The following POLN variants were observed in gnomAD, a reference collection of about 807,000 sequenced individuals.
POLN encodes DNA polymerase N.
Under a neutral mutation model 113.5 loss-of-function variants are expected in POLN, and 108 were observed. That is an observed-to-expected ratio of 0.95 (90% CI 0.81 to 1.12). The LOEUF (loss-of-function observed/expected upper bound fraction) is 1.12. Ranked by LOEUF, POLN falls within the 50% of genes most tolerant of loss-of-function variation. The pLI, the probability that POLN is intolerant of heterozygous loss-of-function variation, is 0.00. For missense variants in POLN, 1,097 were observed against 1,077.1 expected (o/e 1.02, Z -0.26); for synonymous variants, 386 against 391.5 (o/e 0.99, Z 0.17).
intron 2 of POLN, among the ~76,000 whole-genome samples, chr4:2,232,985 C>A (rs143001020): frequency 6.6e-5 from 10 of 152,136 alleles, no homozygotes; most frequent in South Asian, 2.1e-4. Context: ...TGTACCCCCC[C>A]ACTAGACTAA....
intron 25 of POLN, 22 bp from the exon 26 acceptor site, chr4:2,072,321 G>A: frequency 6.6e-7 from 1 of 1,514,836 alleles, no homozygotes; most frequent in Non-Finnish European, 8.8e-7. Flanking sequence ...AGCCAGAGGT[G>A]AGCCCCACGC....
At chr4:2,133,522 G>T (rs1731779610) in intron 16 of POLN, among the ~76,000 whole-genome samples, 1 of 152,174 alleles carries the variant, frequency 6.6e-6, no homozygotes, top group African/African-American at 2.4e-5. Flanking sequence ...CAGCAACATG[G>T]ATAAGCCTGG....
intron 5 of POLN, among the ~76,000 whole-genome samples, chr4:2,205,866 C>T (rs1183619705): frequency 7.2e-6 from 1 of 138,156 alleles, no homozygotes; most frequent in East Asian, 2.1e-4. Flanking sequence ...CAGAGCGAGA[C>T]TCTGTCTCAA....
intron 7 of POLN, among the ~76,000 whole-genome samples, chr4:2,191,793 G>T (rs7689629): frequency 0.34 from 51,479 of 152,038 alleles, 14,412 homozygotes; most frequent in African/African-American, 0.76. Context: ...TGCTACAAAG[G>T]ATCCAGGAAG....
intron 20 of POLN, among the ~76,000 whole-genome samples, chr4:2,095,182 G>A (rs981547461): frequency 1.3e-5 from 2 of 152,006 alleles, no homozygotes; most frequent in Non-Finnish European, 2.9e-5. Context: ...ATGGGTATTG[G>A]GGCTAGGGGG....
At chr4:2,088,684 C>T (rs1222545146) in intron 20 of POLN, 1 of 862,122 alleles carries the variant, frequency 1.2e-6, no homozygotes. Flanking sequence ...AAAAGCTGTA[C>T]AACAGCCATC....
chr4:2,211,250 AAATAATAAT>A (rs71167780), intron 4 of POLN, among the ~76,000 whole-genome samples: 8,450 of 139,760 alleles, frequency 0.06, 329 homozygotes, highest in African/African-American at 0.1. Flanking sequence ...CTCCGTCTCC[AAATAATAAT>A]AATAATAATA....
At chr4:2,078,488 T>C (rs901833912) in intron 23 of POLN, 1 of 733,346 alleles carries the variant, frequency 1.4e-6, no homozygotes, top group African/African-American at 1.9e-5. Flanking sequence ...TTTTTTTTTT[T>C]GTTAGACAGA....
chr4:2,236,581 G>A (rs1051492329), intron 2 of POLN: 11 of 672,934 alleles, frequency 1.6e-5, no homozygotes, highest in East Asian at 1.4e-4. Flanking sequence ...AATATTGGCC[G>A]GGTACAGTAG....
At chr4:2,184,341 T>C (rs961659386) in intron 7 of POLN, among the ~76,000 whole-genome samples, 5 of 151,766 alleles carry the variant, frequency 3.3e-5, no homozygotes, top group African/African-American at 9.7e-5. Context: ...AATCAGATTT[T>C]CACCACACTT....
At chr4:2,227,604 C>A (rs1252582424) in intron 3 of POLN, 1 of 152,114 alleles carries the variant, frequency 6.6e-6, no homozygotes, top group Non-Finnish European at 1.5e-5. Flanking sequence ...TTCTCAATAA[C>A]CTTAACAAAC....
chr4:2,117,454 A>G (rs1348661174), intron 19 of POLN, among the ~76,000 whole-genome samples: 2 of 152,234 alleles, frequency 1.3e-5, no homozygotes, highest in Non-Finnish European at 2.9e-5. Context: ...ATTTCATCTT[A>G]TCAGGGCAGC....
intron 5 of POLN, among the ~76,000 whole-genome samples, chr4:2,199,004 T>C (rs577564209): frequency 6.6e-6 from 1 of 152,194 alleles, no homozygotes; most frequent in South Asian, 2.1e-4. Flanking sequence ...ACTTTCCCTA[T>C]TAACAGATGG....
At chr4:2,169,119 AGCT>A (rs1732798428) in intron 13 of POLN, among the ~76,000 whole-genome samples, 1 of 152,318 alleles carries the variant, frequency 6.6e-6, no homozygotes, top group East Asian at 1.9e-4. Context: ...TGGCGCACAG[AGCT>A]GCAGGCAGCT....
At position 2,171,162 on chromosome 4, in the gene POLN, T is replaced by C; in HGVS notation, c.1394A>G (p.Glu465Gly). 1 of 1,613,600 alleles carries C rather than the reference T, an allele frequency of 6.2e-7. No individual in the cohort carries two copies. The highest frequency in any genetic ancestry group is 8.5e-7 in the Non-Finnish European group (1 of 1,179,804). ...ALLGARLKEL[E>G]QEAHFVAGER... ...TCCTGCAACAAAATGAGCTTCTTGC[T>C]CCAATTCCTTGAGACGAGCCTGAAA... The change falls in exon 12 of 26, where the codon GAG (glutamate) becomes GGG (glycine). Residue 465 changes from glutamate (E) to glycine (G), a missense_variant. Physicochemically the swap from Glu to Gly is moderately conservative, Grantham distance 98. Coordinates refer to ENST00000511885, the MANE Select transcript of POLN (RefSeq NM_181808.4).
At position 2,115,208 on chromosome 4, in the gene POLN, C is replaced by CTATATATATA. The variant is rs67359279; in HGVS notation, c.1982+12895_1982+12904dup. On this transcript the variant is annotated intron_variant, in intron 19 of 25. Transcript: ENST00000511885. ...GGATTACAGGTGTCCACCACCACAG[C>CTATATATATA]TATATATATATATATATATATTTTT... 2.0e-3 allele frequency among the ~76,000 whole-genome samples: 234 copies of CTATATATATA among 119,236 alleles called. 2 individuals carry two copies. The highest frequency in any genetic ancestry group is 6.7e-3 in the African/African-American group (227 of 33,694). 78.2% of individuals were successfully genotyped at this position (119,236 alleles called of 152,430 possible).
chr4:2,239,360 A>G (rs527397089), intron 2 of POLN, among the ~76,000 whole-genome samples: 5 of 152,332 alleles, frequency 3.3e-5, no homozygotes, highest in African/African-American at 1.2e-4. Flanking sequence ...ATATGTTACT[A>G]GTTTTTCTTA....
At chr4:2,178,886 A>G (rs1314668428) in intron 8 of POLN, among the ~76,000 whole-genome samples, 1 of 152,158 alleles carries the variant, frequency 6.6e-6, no homozygotes, top group Non-Finnish European at 1.5e-5. Context: ...TGCTGTGATT[A>G]CAGGCATGAG....
chr4:2,121,665 T>G (rs983189223), intron 19 of POLN, among the ~76,000 whole-genome samples: 15 of 152,074 alleles, frequency 9.9e-5, no homozygotes, highest in African/African-American at 3.6e-4. Flanking sequence ...AACCTTTTGA[T>G]GTCTGCAGAA....
Sources: gnomAD v4.1 joint callset for allele counts (sites outside exome capture counted in the v4.1 genomes callset) on GRCh38, gnomAD v4.1.1 for gene constraint, MANE v1.5 for transcripts, NCBI Gene and HGNC (gene_info 2026-07-23, HGNC 2026-07-21) for gene names.